The following PC variants were observed in gnomAD, a reference collection of about 807,000 sequenced individuals.
PC encodes pyruvate carboxylase.
In PC, 46 loss-of-function variants were observed where a neutral mutation model predicts 107.8. The observed-to-expected ratio is 0.43, with a 90% confidence interval of 0.34 to 0.55. PC has a LOEUF of 0.55. PC is among the 20% of genes least tolerant of loss of function. The pLI, the probability that PC is intolerant of heterozygous loss-of-function variation, is 0.04. For missense variants in PC, 1,241 were observed against 1,643.1 expected, an observed-to-expected ratio of 0.76 and a Z score of 4.23; for synonymous variants, 662 against 684.7, an observed-to-expected ratio of 0.97 and a Z score of 0.52.
chr11:66,852,055 C>A lies in PC; in HGVS notation c.1826-109G>T. On this transcript the variant is annotated intron_variant, in intron 15 of 22. Transcript: ENST00000393960. This position sits in a 1 kb window ranked among gnomAD's most constrained non-coding sequence, Gnocchi z 4.7. ...CCTCTGGCCCCAATACCAGGTCCTG[C>A]TCATCTTCGCCATACCTGTGTTCCC... The A allele has an allele frequency of 8.8e-7, 1 of 1,135,380 alleles. No homozygotes were observed. The highest frequency in any genetic ancestry group is 1.3e-5 in the South Asian group (1 of 75,798). 70.3% of individuals were successfully genotyped at this position (1,135,380 alleles called of 1,614,324 possible).
Position 66,849,348 on chromosome 11 carries a change from G to T in PC, c.3170C>A (p.Thr1057Lys). ...CACGGCCAGGGCTTTGATGTGCAGC[G>T]TCTTGCCCCGCTCCAGCTCCACCTG... ...EFEVELERGK[T>K]LHIKALAVSD... Residue 1057 changes from threonine to lysine, a missense_variant, in exon 22 of 23, where the codon ACG becomes AAG. Around this residue, in one of 2 missense-constraint regions of PC, gnomAD observed 1,143 missense variants for 1,551.9 expected, o/e 0.74. Transcript: ENST00000393960. The T allele has an allele frequency of 6.2e-7, 1 of 1,613,138 alleles. No individual in the cohort carries two copies. Among genetic ancestry groups the T allele is most frequent in the Non-Finnish European group, 8.5e-7 (1 of 1,180,034 alleles).
At chr11:66,896,710 A>T (rs974564636) in intron 3 of PC, among the ~76,000 whole-genome samples, 2 of 152,134 alleles carry the variant, frequency 1.3e-5, no homozygotes, top group South Asian at 4.1e-4. Context: ...AGAACATAAC[A>T]CCTGAAGCCT....
rs189683542 is a variant in PC, at chr11:66,883,268, G to A, written c.1-11109C>T. Among the ~76,000 whole-genome samples, 165 of 152,296 alleles carry A rather than the reference G, an allele frequency of 1.1e-3. 3 individuals are homozygous for A. The South Asian group carries it at 0.028, about 26-fold the overall frequency. On this transcript the variant is annotated intron_variant, in intron 3 of 22. Coordinates refer to ENST00000393960, the MANE Select transcript of PC (RefSeq NM_001040716.2). The stretch of plus-strand genomic sequence containing the variant: ...GAAAGCAGAGTGAGGGGTCCCGAGG[G>A]CCTGCAGTGAGGTGGCTGCTCCATC...
At chr11:66,903,137 A>G (rs1758358616) in intron 3 of PC, among the ~76,000 whole-genome samples, 1 of 152,210 alleles carries the variant, frequency 6.6e-6, no homozygotes, top group South Asian at 2.1e-4. Context: ...GGAGGTATTC[A>G]GAGTCGGGGA....
intron 12 of PC, chr11:66,856,807 G>T (rs1945867958): frequency 1.3e-5 from 2 of 151,418 alleles, no homozygotes; most frequent in Non-Finnish European, 3.0e-5. Flanking sequence ...GCGGGCGCCC[G>T]TGCGGTGCAG....
At chr11:66,876,501 TA>T (rs1216816757) in intron 3 of PC, among the ~76,000 whole-genome samples, 7 of 152,306 alleles carry the variant, frequency 4.6e-5, no homozygotes, top group African/African-American at 1.7e-4. Context: ...GAGATAACCT[TA>T]GGGAGTGCAT....
In PC at chr11:66,851,030, G is replaced by A; in HGVS notation, c.2223+10C>T. The A allele has an allele frequency of 1.2e-6, 2 of 1,612,344 alleles. No individual in the cohort carries two copies. The highest frequency in any genetic ancestry group is 1.7e-6 in the Non-Finnish European group (2 of 1,179,938). ...GCAGAGAGGGAGGGACGGACAAGTG[G>A]CCCAGGCACCTTGATGCACAGGATG... On this transcript the variant is annotated intron_variant, in intron 17 of 22. Coordinates refer to ENST00000393960, the MANE Select transcript of PC (RefSeq NM_001040716.2).
In PC at chr11:66,858,130, G is replaced by T. The variant is rs1474269027; in HGVS notation, c.1369-4747C>A. ...AATCTGCAGCACCTCATCCTCAGCG[G>T]CAACCAGCTGGGCCGCATCGCGCCG... On this transcript the variant is annotated intron_variant, in intron 12 of 22. Coordinates refer to ENST00000393960, the MANE Select transcript of PC (RefSeq NM_001040716.2). This position sits in a 1 kb window ranked among gnomAD's most constrained non-coding sequence, Gnocchi z 5.9. 1 of 1,610,372 alleles carries T rather than the reference G, an allele frequency of 6.2e-7. No homozygotes were observed. Among genetic ancestry groups the T allele is most frequent in the Non-Finnish European group, 8.5e-7 (1 of 1,178,794 alleles).
At chr11:66,878,742 G>A (rs1445840342) in intron 3 of PC, among the ~76,000 whole-genome samples, 2 of 152,222 alleles carry the variant, frequency 1.3e-5, no homozygotes, top group Admixed American at 1.3e-4. Context: ...TGTCCCCGGG[G>A]CACGGGAGCT....
chr11:66,854,528 G>A (rs528055083), intron 12 of PC, among the ~76,000 whole-genome samples: 2 of 152,318 alleles, frequency 1.3e-5, no homozygotes, highest in African/African-American at 4.8e-5. Flanking sequence ...CATGAGGCTG[G>A]GCCAGGGTGA....
At chr11:66,890,711 G>C (rs1431781665) in intron 3 of PC, among the ~76,000 whole-genome samples, 2 of 151,680 alleles carry the variant, frequency 1.3e-5, no homozygotes, top group African/African-American at 4.9e-5. Context: ...TGTTGGTCAG[G>C]CTGATCTCGA....
chr11:66,924,797 A>T (rs575473372), intron 3 of PC, among the ~76,000 whole-genome samples: 1 of 152,182 alleles, frequency 6.6e-6, no homozygotes, highest in African/African-American at 2.4e-5. Context: ...CAAGACAGAC[A>T]TGATCTTTGG....
intron 12 of PC, chr11:66,860,231 G>C (rs1208260859): frequency 2.6e-6 from 4 of 1,539,258 alleles, no homozygotes; most frequent in Non-Finnish European, 3.5e-6. Context: ...CAAGGGATGA[G>C]CCTCGTGGGG....
rs1756229121 is a variant in PC, at chr11:66,932,069, T to C, written c.-1+20361A>G. ...AAAGAAAAAAGGAAATATGTTTCTA[T>C]TTCAAAGGGCAGACCACCTCCAAGA... On this transcript the variant is annotated intron_variant, in intron 3 of 22. Coordinates refer to ENST00000393960, the MANE Select transcript of PC (RefSeq NM_001040716.2). 2.0e-5 allele frequency among the ~76,000 whole-genome samples: 3 copies of C among 151,592 alleles called. No homozygotes were observed. In the South Asian group the frequency reaches 6.3e-4, roughly 32 times the overall value.
chr11:66,871,095 T>C lies in PC; in HGVS notation c.590A>G (p.Tyr197Cys), dbSNP rs987134810. Residue 197 changes from tyrosine to cysteine, a missense_variant, in exon 7 of 23, where the codon TAT becomes TGT. Transcript: ENST00000393960. This position sits in a 1 kb window ranked among gnomAD's most constrained non-coding sequence, Gnocchi z 7.4. ...YGFPIIFKAA[Y>C]GGGGRGMRVV... is the part of the protein sequence containing the mutation. ...CCTCATGCCACGCCCTCCACCCCCA[T>C]AGGCCGCCTTGAAGATGATGGGGAA... The C allele has an allele frequency of 4.3e-6, 7 of 1,613,770 alleles. No homozygotes were observed. Among genetic ancestry groups the C allele is most frequent in the Non-Finnish European group, 4.2e-6 (5 of 1,179,954 alleles).
At chr11:66,936,452 C>A (rs117339497) in intron 3 of PC, among the ~76,000 whole-genome samples, 1 of 152,070 alleles carries the variant, frequency 6.6e-6, no homozygotes, top group Non-Finnish European at 1.5e-5. Context: ...AGGGGAGAGG[C>A]CACCAATATT....
chr11:66,870,204 G>A lies in PC; in HGVS notation c.903+98C>T. The stretch of plus-strand genomic sequence containing the variant: ...TCTCCCCATCCCCAGTCCCCAGAAG[G>A]GGACTCAGGGTCCCCTTCCCCAACC... On this transcript the variant is annotated intron_variant, in intron 9 of 22. Coordinates refer to ENST00000393960, the MANE Select transcript of PC (RefSeq NM_001040716.2). This position sits in a 1 kb window ranked among gnomAD's most constrained non-coding sequence, Gnocchi z 6.1. 1 of 1,452,630 alleles carries A rather than the reference G, an allele frequency of 6.9e-7. No individual in the cohort carries two copies. The highest frequency in any genetic ancestry group is 9.5e-7 in the Non-Finnish European group (1 of 1,049,112). 90.0% of individuals were successfully genotyped at this position (1,452,630 alleles called of 1,614,324 possible).
chr11:66,939,804 C>CAAAAAAAAAAAAAAAAAAAAAAACAAA (rs56761659), intron 3 of PC, among the ~76,000 whole-genome samples: 7 of 40,160 alleles, frequency 1.7e-4, no homozygotes, highest in African/African-American at 2.2e-4. Context: ...AACTCCGTCT[C>CAAAAAAAAAAAAAAAAAAAAAAACAAA]AAAAAAAAAA....
Position 66,887,836 on chromosome 11 carries a change from G to A in PC, c.1-15677C>T, listed in dbSNP as rs534031713. ...CTCCCACTCTCTTTCAGTTTGGGAG[G>A]TCAAAAATCCAACATCACTTTCACA... is the stretch of plus-strand genomic sequence containing the variant. On this transcript the variant is annotated intron_variant, in intron 3 of 22. Transcript: ENST00000393960. 2.6e-5 allele frequency among the ~76,000 whole-genome samples: 4 copies of A among 152,382 alleles called. No individual in the cohort carries two copies. The South Asian group carries it at 8.3e-4, about 32-fold the overall frequency.
Sources: gnomAD v4.1 joint callset for allele counts (sites outside exome capture counted in the v4.1 genomes callset) on GRCh38, gnomAD v4.1.1 for gene constraint, gnomAD v4.1.1 regional missense constraint, Gnocchi (gnomAD v3.1) non-coding constraint, MANE v1.5 for transcripts, NCBI Gene and HGNC (gene_info 2026-07-23, HGNC 2026-07-21) for gene names.